The following GOLM2 variants were observed in gnomAD, a reference collection of about 807,000 sequenced individuals.
GOLM2 encodes the protein protein GOLM2.
Under a neutral mutation model 55.9 loss-of-function variants are expected in GOLM2, and 26 were observed. The observed-to-expected ratio is 0.47, with a 90% CI of 0.34 to 0.65. GOLM2 has a LOEUF of 0.65. Among genes scored for constraint, GOLM2 ranks in the 30% least tolerant of loss-of-function variants. GOLM2 has a pLI of 0.01. For missense variants in GOLM2, 486 were observed against 531.8 expected (o/e 0.91, Z 0.85); for synonymous variants, 165 against 194.6 (o/e 0.85, Z 1.27).
intron 4 of GOLM2, among the ~76,000 whole-genome samples, chr15:44,334,677 A>G (rs780554226): frequency 1.3e-5 from 2 of 152,228 alleles, no homozygotes; most frequent in African/African-American, 2.4e-5. Context: ...TACTGCGTTC[A>G]TGCTGTAAGG....
chr15:44,340,438 T>C (rs2079083882), intron 6 of GOLM2, among the ~76,000 whole-genome samples: 1 of 152,164 alleles, frequency 6.6e-6, no homozygotes, highest in Non-Finnish European at 1.5e-5. Context: ...TATTTTTATT[T>C]CTGTAGAGAC....
Position 44,380,914 on chromosome 15 carries a change from A to G in GOLM2, c.1010A>G (p.Gln337Arg), listed in dbSNP as rs192060882. 2,875 of 1,603,322 alleles carry G rather than the reference A, an allele frequency of 1.8e-3. 10 individuals are homozygous for G. The highest frequency in any genetic ancestry group is 2.2e-3 in the Non-Finnish European group (2,577 of 1,174,408). Reference sequence around the variant, plus strand: ...AACTTGGACAGTGAACCCAGAATTCAAACAGATATACTAAAGCAGGCTACC... The same window carrying G: ...AACTTGGACAGTGAACCCAGAATTCGAACAGATATACTAAAGCAGGCTACC... ...GSNLDSEPRI[Q>R]TDILKQATKD... The change falls in exon 8 of 10, where the codon CAA becomes CGA. Residue 337 changes from glutamine (Q) to arginine (R), a missense_variant. Coordinates refer to ENST00000299957, the MANE Select transcript of GOLM2 (RefSeq NM_138423.4).
At chr15:44,317,728 T>TA (rs1449196591) in intron 1 of GOLM2, among the ~76,000 whole-genome samples, 8 of 152,314 alleles carry the variant, frequency 5.3e-5, no homozygotes, top group Non-Finnish European at 7.3e-5. Context: ...CTTGGATATG[T>TA]CACAGATGCC....
chr15:44,345,748 T>C (rs1420706310), intron 6 of GOLM2: 3 of 152,194 alleles, frequency 2.0e-5, no homozygotes, highest in Non-Finnish European at 1.5e-5. Context: ...AAACCCTCTA[T>C]AGGTATAAAG....
At chr15:44,331,965 A>G (rs1435142495) in intron 3 of GOLM2, 23 bp from the exon 4 acceptor site, 1 of 1,494,520 alleles carries the variant, frequency 6.7e-7, no homozygotes, top group Non-Finnish European at 9.3e-7. Context: ...AATATAATCT[A>G]AAAGAATGAC....
chr15:44,387,839 C>T (rs1251756627), intron 8 of GOLM2, among the ~76,000 whole-genome samples: 1 of 151,572 alleles, frequency 6.6e-6, no homozygotes, highest in Non-Finnish European at 1.5e-5. Flanking sequence ...CAACTTGACA[C>T]AAAAGGTCTT....
At chr15:44,378,198 G>A (rs1338357600) in intron 6 of GOLM2, among the ~76,000 whole-genome samples, 8 of 151,340 alleles carry the variant, frequency 5.3e-5, no homozygotes, top group Admixed American at 2.6e-4. Context: ...ACAGGTGCCC[G>A]CCACCACGCC....
chr15:44,333,672 A>G (rs566961852), intron 4 of GOLM2, among the ~76,000 whole-genome samples: 120 of 152,280 alleles, frequency 7.9e-4, no homozygotes, highest in Non-Finnish European at 1.4e-3. Context: ...CAATTGTGTC[A>G]TTATAAGCGT....
At chr15:44,294,644 G>GCC (rs1324093400) in intron 1 of GOLM2, among the ~76,000 whole-genome samples, 1 of 150,198 alleles carries the variant, frequency 6.7e-6, no homozygotes, top group Non-Finnish European at 1.5e-5. Context: ...AACCCGGCAG[G>GCC]CAGAGGTTGC....
At chr15:44,381,069 T>C in intron 8 of GOLM2, 93 bp downstream of exon 8, 1 of 721,864 alleles carries the variant, frequency 1.4e-6, no homozygotes, top group Non-Finnish European at 2.0e-6. Flanking sequence ...AATAAATGTA[T>C]AGTGAAGTTA....
At chr15:44,319,465 C>T (rs2078934352) in intron 1 of GOLM2, among the ~76,000 whole-genome samples, 1 of 152,200 alleles carries the variant, frequency 6.6e-6, no homozygotes, top group Non-Finnish European at 1.5e-5. Flanking sequence ...GAATGATCCT[C>T]CTGCCTCAGC....
intron 1 of GOLM2, among the ~76,000 whole-genome samples, chr15:44,315,308 C>A (rs1172999811): frequency 1.3e-5 from 2 of 152,252 alleles, no homozygotes; most frequent in East Asian, 3.9e-4. Flanking sequence ...TTGTATATAA[C>A]CTTTGGAATA....
chr15:44,305,413 C>CTT (rs2078830537), intron 1 of GOLM2, among the ~76,000 whole-genome samples: 1 of 152,096 alleles, frequency 6.6e-6, no homozygotes, highest in African/African-American at 2.4e-5. Flanking sequence ...GATCCTCCCA[C>CTT]TTCAGCCTCC....
At chr15:44,387,924 T>C (rs1457126154) in intron 8 of GOLM2, among the ~76,000 whole-genome samples, 1 of 152,008 alleles carries the variant, frequency 6.6e-6, no homozygotes, top group Non-Finnish European at 1.5e-5. Flanking sequence ...GATCATTTCT[T>C]TTATAAAAAT....
chr15:44,306,255 T>G (rs545460081), intron 1 of GOLM2, among the ~76,000 whole-genome samples: 1 of 152,354 alleles, frequency 6.6e-6, no homozygotes, highest in South Asian at 2.1e-4. Flanking sequence ...CTGCAGCTTT[T>G]TCATCAGCAC....
At chr15:44,326,904 G>A (rs777026688) in intron 2 of GOLM2, among the ~76,000 whole-genome samples, 20 of 148,970 alleles carry the variant, frequency 1.3e-4, no homozygotes, top group Admixed American at 8.7e-4. Flanking sequence ...CACCCTTCTC[G>A]GCCCCCCAAA....
At chr15:44,311,505 T>TA (rs1206801295) in intron 1 of GOLM2, among the ~76,000 whole-genome samples, 4 of 151,986 alleles carry the variant, frequency 2.6e-5, no homozygotes, top group Non-Finnish European at 5.9e-5. Context: ...GTGTATGTGG[T>TA]AAAAAACACA....
At chr15:44,323,243 G>T (rs1304332781) in intron 2 of GOLM2, among the ~76,000 whole-genome samples, 3 of 151,848 alleles carry the variant, frequency 2.0e-5, no homozygotes, top group Non-Finnish European at 2.9e-5. Flanking sequence ...TCTTAACCTT[G>T]AGCTACAGAC....
rs899648230 is a variant in GOLM2 at position 44,343,839 on chromosome 15, GA to G, written c.802+5529del. ...ACTCTGTCTCAAAAAAAAAAAAAAAGAAAAAAATATATATCCTTGTAATTTA... is the reference window on the plus strand; with the variant it reads ...ACTCTGTCTCAAAAAAAAAAAAAAAGAAAAAATATATATCCTTGTAATTTA... On this transcript the variant is annotated intron_variant, in intron 6 of 9. Coordinates refer to ENST00000299957, the MANE Select transcript of GOLM2 (RefSeq NM_138423.4). Among the ~76,000 whole-genome samples, 153 of 147,640 alleles carry G rather than the reference GA, an allele frequency of 1.0e-3. 2 individuals are homozygous for G. The highest frequency in any genetic ancestry group is 4.1e-3 in the South Asian group (19 of 4,612).
Sources: gnomAD v4.1 joint callset for allele counts (sites outside exome capture counted in the v4.1 genomes callset) on GRCh38, gnomAD v4.1.1 for gene constraint, MANE v1.5 for transcripts, NCBI Gene and HGNC (gene_info 2026-07-23, HGNC 2026-07-21) for gene names.